The following ARHGAP42 variants were observed in gnomAD, a reference collection of about 807,000 sequenced individuals.
ARHGAP42 encodes the protein rho GTPase-activating protein 42.
A neutral mutation model predicts 125.0 loss-of-function variants in ARHGAP42; 63 were observed. The observed-to-expected ratio is 0.50, with a 90% CI of 0.41 to 0.62. The LOEUF (loss-of-function observed/expected upper bound fraction) is 0.62. ARHGAP42 is among the 20% of genes least tolerant of loss of function. The pLI, the probability that ARHGAP42 is intolerant of heterozygous loss-of-function variation, is 0.00. For missense variants in ARHGAP42, 766 were observed against 1,024.2 expected (o/e 0.75, Z 3.44); for synonymous variants, 339 against 351.0 (o/e 0.97, Z 0.38).
chr11:100,699,916 C>T (rs1194055931), intron 1 of ARHGAP42, among the ~76,000 whole-genome samples: 1 of 152,042 alleles, frequency 6.6e-6, no homozygotes, highest in Non-Finnish European at 1.5e-5. Flanking sequence ...CCCTTCCTTG[C>T]CCTTTCTAGC....
At chr11:100,945,770 A>G (rs1447119233) in intron 10 of ARHGAP42, among the ~76,000 whole-genome samples, 1 of 152,078 alleles carries the variant, frequency 6.6e-6, no homozygotes, top group Non-Finnish European at 1.5e-5. Flanking sequence ...TTATTGTTCC[A>G]TTTGTAGAGC....
At chr11:100,716,703 G>T (rs1424562153) in intron 1 of ARHGAP42, among the ~76,000 whole-genome samples, 1 of 152,142 alleles carries the variant, frequency 6.6e-6, no homozygotes, top group East Asian at 1.9e-4. Flanking sequence ...GTTTTATTTT[G>T]TTGGTAGGCA....
intron 22 of ARHGAP42, among the ~76,000 whole-genome samples, chr11:100,980,566 T>C (rs1160655116): frequency 0.012 from 895 of 73,582 alleles, 59 homozygotes; most frequent in African/African-American, 0.043. Flanking sequence ...CTTCTTTTTT[T>C]TTTTTTTTTT....
intron 1 of ARHGAP42, among the ~76,000 whole-genome samples, chr11:100,715,904 A>G (rs1861652311): frequency 6.6e-6 from 1 of 152,206 alleles, no homozygotes; most frequent in African/African-American, 2.4e-5. Flanking sequence ...ATGGTTTCAG[A>G]TGGTTGAGAA....
At position 100,980,695 on chromosome 11, in the gene ARHGAP42, C is replaced by T. The variant is rs151309117; in HGVS notation, c.2456+1646C>T. Among the ~76,000 whole-genome samples, 494 of 150,452 alleles carry T rather than the reference C, an allele frequency of 3.3e-3. 3 individuals are homozygous for T. The highest frequency in any genetic ancestry group is 0.011 in the African/African-American group (459 of 41,056). On this transcript the variant is annotated intron_variant, in intron 22 of 23. Transcript: ENST00000298815. Reference sequence around the variant, plus strand: ...AAGTGATTCTCCTGCCTCAGCCTCCCGAGTAGCTGGGATTACAGGTGTGTG... The same window carrying T: ...AAGTGATTCTCCTGCCTCAGCCTCCTGAGTAGCTGGGATTACAGGTGTGTG...
chr11:100,919,119 A>T (rs1867163221), intron 5 of ARHGAP42, among the ~76,000 whole-genome samples: 1 of 66,294 alleles, frequency 1.5e-5, no homozygotes, highest in Admixed American at 1.9e-4. Flanking sequence ...GGAGACACTC[A>T]GAGCATGCTC....
chr11:100,920,788 CA>C (rs1478829597), intron 5 of ARHGAP42, among the ~76,000 whole-genome samples: 2 of 152,070 alleles, frequency 1.3e-5, no homozygotes, highest in Admixed American at 1.3e-4. Context: ...AAGCATGATT[CA>C]TCAGTTTAGA....
rs1316115475 is a variant in ARHGAP42, at chr11:100,936,217, T to C, written c.717T>C (p.Phe239=). 4.5e-6 allele frequency: 7 copies of C among 1,551,636 alleles called. No individual in the cohort carries two copies. Among genetic ancestry groups the C allele is most frequent in the Non-Finnish European group, 5.2e-6 (6 of 1,146,904 alleles). ...GTTTACTTAAGACAAGGAATAATTT[T>C]GAAAGTACTCGACAAGAGGTAGAGC... ...QFNLQNTRNN[F]ESTRQEVERL... Residue 239 remains phenylalanine (F), a synonymous_variant, in exon 8 of 24, where the codon TTT becomes TTC. Coordinates refer to ENST00000298815, the MANE Select transcript of ARHGAP42 (RefSeq NM_152432.4).
chr11:100,954,579 T>C (rs1857752664), intron 12 of ARHGAP42, among the ~76,000 whole-genome samples: 1 of 152,186 alleles, frequency 6.6e-6, no homozygotes, highest in Non-Finnish European at 1.5e-5. Flanking sequence ...TGAGTGTTCT[T>C]GAGCTTCATA....
intron 5 of ARHGAP42, among the ~76,000 whole-genome samples, chr11:100,920,603 T>C (rs769011106): frequency 2.0e-5 from 3 of 152,162 alleles, no homozygotes; most frequent in Non-Finnish European, 4.4e-5. Context: ...AAGTCATGTC[T>C]CTCTGCTAAG....
intron 1 of ARHGAP42, among the ~76,000 whole-genome samples, chr11:100,716,424 T>C (rs560383082): frequency 6.6e-4 from 101 of 152,288 alleles, no homozygotes; most frequent in African/African-American, 2.2e-3. Flanking sequence ...GTCAAACAAA[T>C]GCTGTTGGTA....
intron 1 of ARHGAP42, among the ~76,000 whole-genome samples, chr11:100,756,113 T>C (rs1200313903): frequency 6.7e-6 from 1 of 148,738 alleles, no homozygotes; most frequent in African/African-American, 2.5e-5. Flanking sequence ...TGGCCAGGCA[T>C]GGTGGGTCAT....
intron 4 of ARHGAP42, among the ~76,000 whole-genome samples, chr11:100,888,140 T>C (rs994368866): frequency 6.6e-6 from 1 of 152,162 alleles, no homozygotes; most frequent in African/African-American, 2.4e-5. Flanking sequence ...TGTAAGTATT[T>C]CACATAAGAA....
intron 12 of ARHGAP42, among the ~76,000 whole-genome samples, chr11:100,953,632 C>T (rs999577301): frequency 1.3e-5 from 2 of 152,052 alleles, no homozygotes; most frequent in Admixed American, 6.6e-5. Context: ...AGTCTTCCTA[C>T]CTTGTATTAA....
intron 1 of ARHGAP42, among the ~76,000 whole-genome samples, chr11:100,756,819 C>CT (rs1283709807): frequency 6.6e-6 from 1 of 152,186 alleles, no homozygotes; most frequent in Non-Finnish European, 1.5e-5. Context: ...CAGTTGCTCT[C>CT]TGTGTACAGA....
chr11:100,873,969 G>C (rs1226865588), intron 4 of ARHGAP42, among the ~76,000 whole-genome samples: 1 of 152,162 alleles, frequency 6.6e-6, no homozygotes. Context: ...CCACCCACCA[G>C]CCAATAATTA....
chr11:100,765,779 G>A (rs544020804), intron 1 of ARHGAP42, among the ~76,000 whole-genome samples: 2 of 152,194 alleles, frequency 1.3e-5, no homozygotes, highest in East Asian at 3.9e-4. Flanking sequence ...CACATATATC[G>A]AGACAGATTG....
intron 1 of ARHGAP42, among the ~76,000 whole-genome samples, chr11:100,700,780 C>G (rs74392320): frequency 0.025 from 3,877 of 152,348 alleles, 54 homozygotes; most frequent in Middle Eastern, 0.068. Context: ...TGAACCCCTT[C>G]AAGTCATATA....
intron 4 of ARHGAP42, among the ~76,000 whole-genome samples, chr11:100,879,963 A>C (rs1303329492): frequency 6.6e-6 from 1 of 152,190 alleles, no homozygotes; most frequent in Non-Finnish European, 1.5e-5. Flanking sequence ...TTCAACACAC[A>C]GCCTCAAGCT....
Sources: allele counts gnomAD v4.1 joint callset (sites outside exome capture counted in the v4.1 genomes callset), GRCh38; gene constraint gnomAD v4.1.1; transcripts MANE v1.5; gene names NCBI Gene and HGNC (gene_info 2026-07-23, HGNC 2026-07-21).